The following MTM1 variants were observed in gnomAD, a reference collection of about 807,000 sequenced individuals.
MTM1 encodes the protein myotubularin.
A neutral mutation model predicts 52.1 loss-of-function variants in MTM1; 9 were observed. The observed-to-expected ratio is 0.17, with a 90% CI of 0.10 to 0.30. MTM1 has a LOEUF of 0.30. Among genes scored for constraint, MTM1 ranks in the 10% least tolerant of loss-of-function variants. The probability of loss-of-function intolerance (pLI) is 1.00; values close to 1 mark genes in which losing one functional copy is unlikely to be tolerated. For missense variants in MTM1, 277 were observed against 470.7 expected, an observed-to-expected ratio of 0.59 and a Z score of 3.81; for synonymous variants, 136 against 163.8, an observed-to-expected ratio of 0.83 and a Z score of 1.29.
Position 150,592,929 on chromosome X carries a change from C to T in MTM1, c.63+252C>T, listed in dbSNP as rs189339138. On this transcript the variant is annotated intron_variant, in intron 2 of 14. Transcript: ENST00000370396. ...CAAGATCTCAGCTCACTGCAACCTC[C>T]GCCTCCCAGATTCAAGTGATTCTCC... 5.9e-3 allele frequency among the ~76,000 whole-genome samples: 651 copies of T among 109,751 alleles called. 5 individuals are homozygous for T. The highest frequency in any genetic ancestry group is 0.021 in the African/African-American group (621 of 30,088).
intron 14 of MTM1, among the ~76,000 whole-genome samples, chrX:150,667,186 C>G (rs1481049161): frequency 8.9e-6 from 1 of 111,863 alleles, no homozygotes; most frequent in African/African-American, 3.3e-5. Flanking sequence ...GCCACCCCAC[C>G]CCTTACCTCT....
chrX:150,614,711 G>GATA lies in MTM1; in HGVS notation c.342+13_342+15dup. ...ATATTACTTGTAAAGTAAGAGATTC[G>GATA]ATACTTTCTTATGCAAAGAACAAGG... is the stretch of plus-strand genomic sequence containing the variant. On this transcript the variant is annotated intron_variant, in intron 5 of 14. Coordinates refer to ENST00000370396, the MANE Select transcript of MTM1 (RefSeq NM_000252.3). 1.1e-6 allele frequency: 1 copy of GATA among 945,480 alleles called. No individual in the cohort carries two copies. Among genetic ancestry groups the GATA allele is most frequent in the African/African-American group, 1.9e-5 (1 of 52,342 alleles). 77.9% of individuals were successfully genotyped at this position (945,480 alleles called of 1,213,427 possible).
At chrX:150,575,402 G>A (rs956088225) in intron 1 of MTM1, among the ~76,000 whole-genome samples, 1 of 112,563 alleles carries the variant, frequency 8.9e-6, no homozygotes, top group East Asian at 2.8e-4. Flanking sequence ...TGGTCCCAGC[G>A]TGCAGCACTA....
upstream of MTM1, among the ~76,000 whole-genome samples, chrX:150,565,547 A>T (rs1179738139): frequency 9.0e-6 from 1 of 111,348 alleles, no homozygotes; most frequent in Non-Finnish European, 1.9e-5. Flanking sequence ...GACTGGGGAG[A>T]TCAGAGCATA....
intron 6 of MTM1, among the ~76,000 whole-genome samples, chrX:150,633,668 A>G (rs1226455697): frequency 1.7e-5 from 1 of 57,442 alleles, no homozygotes; most frequent in African/African-American, 5.6e-5. Flanking sequence ...CTTTAATTTC[A>G]GAAATCAAAT....
intron 10 of MTM1, among the ~76,000 whole-genome samples, chrX:150,655,373 C>T (rs2040095139): frequency 9.1e-6 from 1 of 110,371 alleles, no homozygotes; most frequent in African/African-American, 3.3e-5. Context: ...TTGATCCAAC[C>T]GTTTCACTCC....
intron 1 of MTM1, among the ~76,000 whole-genome samples, chrX:150,577,417 C>T (rs187056295): frequency 7.0e-4 from 79 of 112,669 alleles, no homozygotes; most frequent in African/African-American, 2.4e-3. Flanking sequence ...GCCATTGTGC[C>T]ATTTTGCATT....
intron 4 of MTM1, among the ~76,000 whole-genome samples, chrX:150,600,767 A>G (rs191844898): frequency 4.9e-4 from 55 of 112,203 alleles, no homozygotes; most frequent in Non-Finnish European, 9.0e-4. Flanking sequence ...TTATGCTAAT[A>G]TATGTGAGAA....
chrX:150,629,993 T>C (rs1557413514), intron 6 of MTM1, among the ~76,000 whole-genome samples: 1 of 112,654 alleles, frequency 8.9e-6, no homozygotes, highest in African/African-American at 3.2e-5. Context: ...TTCTCCACCC[T>C]ATGATCTTCA....
chrX:150,568,419 T>A (rs1333392356), upstream of MTM1, among the ~76,000 whole-genome samples: 6 of 113,450 alleles, frequency 5.3e-5, no homozygotes, highest in Non-Finnish European at 1.1e-4. Flanking sequence ...CCCTTCAAAA[T>A]GGGCTTCCCA....
chrX:150,637,201 C>T lies in MTM1; in HGVS notation c.445-1742C>T, dbSNP rs2039765603. On this transcript the variant is annotated intron_variant, in intron 6 of 14. Coordinates refer to ENST00000370396, the MANE Select transcript of MTM1 (RefSeq NM_000252.3). ...CTTGGGCAGTTTTCACCTTAAACCT[C>T]TTGCCATTCACATGCAGAAAACTGT... 2.7e-5 allele frequency among the ~76,000 whole-genome samples: 3 copies of T among 112,223 alleles called. No homozygotes were observed. In the South Asian group the frequency reaches 1.1e-3, roughly 41 times the overall value.
chrX:150,652,873 C>T (rs1402039330), intron 10 of MTM1, among the ~76,000 whole-genome samples: 1 of 109,356 alleles, frequency 9.1e-6, no homozygotes, highest in East Asian at 2.9e-4. Flanking sequence ...GGCTCAGCTG[C>T]TACTCTGAGC....
chrX:150,583,211 A>T (rs868952331), intron 1 of MTM1, among the ~76,000 whole-genome samples: 2 of 69,921 alleles, frequency 2.9e-5, no homozygotes, highest in African/African-American at 1.2e-4. Context: ...AATTATAAAT[A>T]TATAAAAATT....
intron 5 of MTM1, among the ~76,000 whole-genome samples, chrX:150,615,077 C>G (rs192879597): frequency 2.7e-5 from 3 of 111,845 alleles, no homozygotes; most frequent in Non-Finnish European, 3.8e-5. Flanking sequence ...CCTCTGTTAA[C>G]GGGATGTGTC....
At chrX:150,639,363 A>G (rs1457758449) in intron 7 of MTM1, among the ~76,000 whole-genome samples, 1 of 112,402 alleles carries the variant, frequency 8.9e-6, no homozygotes, top group East Asian at 2.8e-4. Context: ...GTTACACTTT[A>G]GGACTTGATA....
At chrX:150,567,585 G>T (rs962131523), upstream of MTM1, among the ~76,000 whole-genome samples, 2 of 111,253 alleles carry the variant, frequency 1.8e-5, no homozygotes, top group African/African-American at 6.6e-5. Flanking sequence ...ACGCAGTCTC[G>T]CTTTGTCACA....
At chrX:150,602,973 G>A (rs1014045067) in intron 4 of MTM1, among the ~76,000 whole-genome samples, 4 of 111,665 alleles carry the variant, frequency 3.6e-5, no homozygotes, top group Non-Finnish European at 7.5e-5. Context: ...AGCCTACAGT[G>A]GTATGCATAG....
intron 1 of MTM1, among the ~76,000 whole-genome samples, chrX:150,571,279 A>G (rs1292315231): frequency 9.0e-6 from 1 of 111,606 alleles, no homozygotes; most frequent in Non-Finnish European, 1.9e-5. Context: ...TGCTTTCATT[A>G]TTTTCTAGTT....
Position 150,592,652 on chromosome X carries a change from C to T in MTM1, c.38C>T (p.Ser13Phe), listed in dbSNP as rs144473998. The T allele has an allele frequency of 5.1e-5, 60 of 1,187,672 alleles. No homozygotes were observed. Among genetic ancestry groups the T allele is most frequent in the Non-Finnish European group, 6.7e-5 (59 of 875,579 alleles). ...SASTSKYNSH[S>F]LENESIKRTS... ...TCAACTTCTAAATATAATTCACACTCCTTGGAGAATGAGTCTATTAAGAGG... is the reference window on the plus strand; with the variant it reads ...TCAACTTCTAAATATAATTCACACTTCTTGGAGAATGAGTCTATTAAGAGG... The change falls in exon 2 of 15, where the codon TCC becomes TTC. Residue 13 changes from serine to phenylalanine, a missense_variant. Around this residue, in one of 4 missense-constraint regions of MTM1, gnomAD observed 164 missense variants for 283.3 expected, o/e 0.58. Transcript: ENST00000370396.
Sources: gnomAD v4.1 joint callset for allele counts (sites outside exome capture counted in the v4.1 genomes callset) on GRCh38, gnomAD v4.1.1 for gene constraint, gnomAD v4.1.1 regional missense constraint, MANE v1.5 for transcripts, NCBI Gene and HGNC (gene_info 2026-07-23, HGNC 2026-07-21) for gene names.